Variants in DLG2 observed in about 807,000 individuals in gnomAD.
The protein encoded by DLG2 is discs large MAGUK scaffold protein 2, also known as disks large homolog 2.
DLG2 carries 45 observed loss-of-function variants against 132.5 expected under a neutral mutation model. The observed-to-expected ratio is 0.34, with a 90% CI of 0.27 to 0.44. The LOEUF is 0.44. DLG2 is among the 20% of genes least tolerant of loss of function. The pLI is 1.00. For missense variants in DLG2, 1,045 were observed against 1,196.9 expected, an observed-to-expected ratio of 0.87 and a Z score of 1.87; for synonymous variants, 424 against 419.6, an observed-to-expected ratio of 1.01 and a Z score of -0.13.
intron 7 of DLG2, among the ~76,000 whole-genome samples, chr11:84,323,910 G>GT (rs1175139161): frequency 2.0e-5 from 3 of 151,602 alleles, no homozygotes; most frequent in African/African-American, 7.3e-5. Flanking sequence ...CAGATTATTT[G>GT]TTTTTTGGCT....
chr11:85,235,177 A>G (rs1343034554), intron 4 of DLG2, among the ~76,000 whole-genome samples: 3 of 152,018 alleles, frequency 2.0e-5, no homozygotes, highest in Admixed American at 6.6e-5. Context: ...TTAAAATACT[A>G]TGAAGTCATT....
At position 84,388,074 on chromosome 11, in the gene DLG2, T is replaced by C. The variant is rs545931402; in HGVS notation, c.520-136783A>G. ...TTTCTATCTTCTTGTTGTTCTACAC[T>C]GCACCATTATAGGTGCAACCATACA... On this transcript the variant is annotated intron_variant, in intron 7 of 27. Transcript: ENST00000376104. 3.9e-5 allele frequency among the ~76,000 whole-genome samples: 6 copies of C among 152,336 alleles called. No individual in the cohort carries two copies. The East Asian group carries it at 1.2e-3, about 29-fold the overall frequency.
At chr11:84,099,642 C>T (rs2092237730) in intron 9 of DLG2, among the ~76,000 whole-genome samples, 1 of 151,248 alleles carries the variant, frequency 6.6e-6, no homozygotes, top group African/African-American at 2.4e-5. Flanking sequence ...AAAAGGCATG[C>T]AATAGTGCAG....
chr11:84,687,379 C>A (rs920488826), intron 6 of DLG2: 1 of 152,044 alleles, frequency 6.6e-6, no homozygotes, highest in Non-Finnish European at 1.5e-5. Flanking sequence ...CCAAAAAATC[C>A]TGGTTATTAT....
intron 6 of DLG2, among the ~76,000 whole-genome samples, chr11:84,757,685 T>C (rs1312563725): frequency 1.3e-5 from 2 of 151,894 alleles, no homozygotes; most frequent in Non-Finnish European, 2.9e-5. Context: ...CTTACTGTTA[T>C]TACACCATTT....
intron 3 of DLG2, among the ~76,000 whole-genome samples, chr11:85,448,224 A>C (rs1415786646): frequency 6.6e-6 from 1 of 152,192 alleles, no homozygotes; most frequent in Non-Finnish European, 1.5e-5. Flanking sequence ...GATATCAATG[A>C]ATTTCTAATC....
At chr11:84,530,547 G>A (rs571682372) in intron 7 of DLG2, among the ~76,000 whole-genome samples, 58 of 152,292 alleles carry the variant, frequency 3.8e-4, no homozygotes, top group African/African-American at 1.3e-3. Flanking sequence ...CTAATCATTT[G>A]AGTAATGCAA....
At chr11:83,632,006 T>C (rs2063648698) in intron 19 of DLG2, 1 of 152,150 alleles carries the variant, frequency 6.6e-6, no homozygotes, top group Non-Finnish European at 1.5e-5. Flanking sequence ...AGATTACAAT[T>C]AAGGGTATCA....
At chr11:83,904,824 G>A (rs1281476479) in intron 15 of DLG2, among the ~76,000 whole-genome samples, 1 of 152,096 alleles carries the variant, frequency 6.6e-6, no homozygotes, top group African/African-American at 2.4e-5. Flanking sequence ...CCTTCTTTGT[G>A]TTGCACTGTG....
intron 6 of DLG2, among the ~76,000 whole-genome samples, chr11:84,976,718 C>T (rs2054957602): frequency 6.6e-6 from 1 of 152,064 alleles, no homozygotes; most frequent in African/African-American, 2.4e-5. Flanking sequence ...TGAGCTACTC[C>T]TGACCTTTTA....
intron 6 of DLG2, among the ~76,000 whole-genome samples, chr11:85,044,034 A>T (rs763180328): frequency 6.6e-6 from 1 of 151,922 alleles, no homozygotes; most frequent in Non-Finnish European, 1.5e-5. Context: ...ACCCTAAACT[A>T]TTTACAAGTT....
chr11:84,730,814 T>A (rs952953015), intron 6 of DLG2, among the ~76,000 whole-genome samples: 1 of 152,056 alleles, frequency 6.6e-6, no homozygotes, highest in African/African-American at 2.4e-5. Flanking sequence ...GGCCCTCAGC[T>A]AATCATACAG....
chr11:85,307,551 A>G (rs1366818503), intron 3 of DLG2, among the ~76,000 whole-genome samples: 1 of 152,184 alleles, frequency 6.6e-6, no homozygotes, highest in Non-Finnish European at 1.5e-5. Context: ...CAAACTCATA[A>G]TGAGGTCATT....
chr11:83,786,823 A>C (rs2040053875), intron 17 of DLG2, 31 bp from the exon 18 acceptor site: 1 of 1,596,796 alleles, frequency 6.3e-7, no homozygotes, highest in East Asian at 2.2e-5. Context: ...GAATCTTGGT[A>C]TTTCATAAGG....
intron 6 of DLG2, among the ~76,000 whole-genome samples, chr11:84,569,010 C>G (rs1053588104): frequency 1.3e-5 from 2 of 152,150 alleles, no homozygotes; most frequent in Non-Finnish European, 2.9e-5. Flanking sequence ...AATTGCCCAG[C>G]CAGAGAACAC....
intron 3 of DLG2, among the ~76,000 whole-genome samples, chr11:85,292,017 G>T (rs940334030): frequency 1.3e-5 from 2 of 152,118 alleles, no homozygotes; most frequent in Non-Finnish European, 2.9e-5. Flanking sequence ...GTATAGCACA[G>T]GTGATCTTAC....
intron 6 of DLG2, among the ~76,000 whole-genome samples, chr11:84,953,379 G>T (rs537348922): frequency 2.0e-5 from 3 of 152,160 alleles, no homozygotes; most frequent in Admixed American, 1.3e-4. Context: ...CATAGTAATT[G>T]TCTCAGCCTA....
At chr11:84,300,507 T>C (rs996331801) in intron 7 of DLG2, among the ~76,000 whole-genome samples, 1 of 152,192 alleles carries the variant, frequency 6.6e-6, no homozygotes, top group African/African-American at 2.4e-5. Flanking sequence ...TTTATCTTAC[T>C]AGGAATTTTA....
intron 1 of DLG2, 137 bp downstream of exon 1, chr11:85,627,081 C>T (rs181296590): frequency 5.9e-5 from 9 of 152,218 alleles, no homozygotes; most frequent in African/African-American, 1.7e-4. Context: ...AATGTAACCC[C>T]ACCTCCCCAA....
Sources: gnomAD v4.1 joint callset for allele counts (sites outside exome capture counted in the v4.1 genomes callset) on GRCh38, gnomAD v4.1.1 for gene constraint, MANE v1.5 for transcripts, NCBI Gene and HGNC (gene_info 2026-07-23, HGNC 2026-07-21) for gene names.